MSRB3: variants seen among roughly 807,000 people sequenced by gnomAD.
MSRB3 encodes methionine sulfoxide reductase B3.
Under a neutral mutation model 21.0 loss-of-function variants are expected in MSRB3, and 13 were observed. The observed-to-expected ratio is 0.62, with a 90% CI of 0.40 to 0.98. The LOEUF (loss-of-function observed/expected upper bound fraction) is 0.98, where lower values mean the gene tolerates loss of function less well. Among genes scored for constraint, MSRB3 ranks in the 50% least tolerant of loss-of-function variants. The pLI is 0.00. For missense variants in MSRB3, 199 were observed against 230.3 expected (o/e 0.86, Z 0.88); for synonymous variants, 87 against 88.6 (o/e 0.98, Z 0.10).
chr12:65,365,075 AT>A (rs34234685), intron 4 of MSRB3, among the ~76,000 whole-genome samples: 39 of 150,034 alleles, frequency 2.6e-4, no homozygotes, highest in African/African-American at 9.1e-4. Flanking sequence ...TTCTGACATG[AT>A]TTTTTTTTTT....
At chr12:65,307,794 T>C (rs1873744926) in intron 1 of MSRB3, among the ~76,000 whole-genome samples, 1 of 152,206 alleles carries the variant, frequency 6.6e-6, no homozygotes, top group African/African-American at 2.4e-5. Flanking sequence ...TTCACAGGAT[T>C]GACCTAGAAA....
At chr12:65,348,216 G>T (rs1433739742) in intron 4 of MSRB3, among the ~76,000 whole-genome samples, 1 of 152,066 alleles carries the variant, frequency 6.6e-6, no homozygotes, top group African/African-American at 2.4e-5. Context: ...CTCTGGTCCT[G>T]GACTTTTTTT....
chr12:65,387,594 A>G (rs1479161782), intron 5 of MSRB3, among the ~76,000 whole-genome samples: 1 of 152,164 alleles, frequency 6.6e-6, no homozygotes, highest in Non-Finnish European at 1.5e-5. Context: ...AGTCAGACAG[A>G]CCATCATTTG....
At chr12:65,453,679 C>G in intron 5 of MSRB3, 49 bp from the exon 6 acceptor site, 1 of 1,323,632 alleles carries the variant, frequency 7.6e-7, no homozygotes, top group Non-Finnish European at 1.1e-6. Context: ...TAACCCAAGG[C>G]TGTGTATCTC....
chr12:65,325,750 A>G (rs751589727), intron 2 of MSRB3, among the ~76,000 whole-genome samples: 3 of 152,192 alleles, frequency 2.0e-5, no homozygotes, highest in Non-Finnish European at 4.4e-5. Flanking sequence ...ACATGGCAAG[A>G]ACTCTCTACA....
intron 4 of MSRB3, among the ~76,000 whole-genome samples, chr12:65,353,075 C>G (rs1274400346): frequency 6.6e-6 from 1 of 152,140 alleles, no homozygotes; most frequent in Admixed American, 6.6e-5. Context: ...TTTGATCGCA[C>G]TGTGTTCTGA....
intron 5 of MSRB3, among the ~76,000 whole-genome samples, chr12:65,436,898 A>G (rs1592637119): frequency 6.6e-6 from 1 of 152,086 alleles, no homozygotes; most frequent in East Asian, 1.9e-4. Flanking sequence ...AACGGTGCAC[A>G]GTAAAGTGGC....
At chr12:65,457,882 G>C (rs959273111) in intron 6 of MSRB3, among the ~76,000 whole-genome samples, 3 of 151,750 alleles carry the variant, frequency 2.0e-5, no homozygotes, top group Admixed American at 2.0e-4. Context: ...TTATTATTTT[G>C]CTGGTGAGAT....
At chr12:65,328,109 A>T (rs966050203) in intron 3 of MSRB3, among the ~76,000 whole-genome samples, 1 of 152,196 alleles carries the variant, frequency 6.6e-6, no homozygotes, top group Non-Finnish European at 1.5e-5. Flanking sequence ...AAGCTGCAAT[A>T]TTCCTTTTCA....
chr12:65,407,838 A>G (rs1046056183), intron 5 of MSRB3, among the ~76,000 whole-genome samples: 1 of 152,044 alleles, frequency 6.6e-6, no homozygotes, highest in Non-Finnish European at 1.5e-5. Flanking sequence ...TCTGTTGATG[A>G]GCGCATAAAA....
intron 2 of MSRB3, among the ~76,000 whole-genome samples, chr12:65,321,014 C>T (rs1874627961): frequency 6.6e-6 from 1 of 152,194 alleles, no homozygotes; most frequent in Non-Finnish European, 1.5e-5. Context: ...TCTCCTCCTT[C>T]AGGGCTTTGC....
chr12:65,424,333 A>T (rs1881469555), intron 5 of MSRB3, among the ~76,000 whole-genome samples: 2 of 147,360 alleles, frequency 1.4e-5, no homozygotes, highest in Admixed American at 1.3e-4. Context: ...GATTTTTATT[A>T]TTTTCTTCTT....
chr12:65,362,717 T>G (rs1335629420), intron 4 of MSRB3, among the ~76,000 whole-genome samples: 1 of 152,080 alleles, frequency 6.6e-6, no homozygotes, highest in Admixed American at 6.6e-5. Flanking sequence ...TAGGCTAAGA[T>G]GTGGAGAAAG....
chr12:65,375,774 T>C (rs955476429), intron 5 of MSRB3, among the ~76,000 whole-genome samples: 1 of 152,272 alleles, frequency 6.6e-6, no homozygotes, highest in African/African-American at 2.4e-5. Flanking sequence ...TTTGATTTTC[T>C]TTTGGACATG....
chr12:65,373,355 C>A (rs1306953592), intron 5 of MSRB3, among the ~76,000 whole-genome samples: 1 of 152,050 alleles, frequency 6.6e-6, no homozygotes, highest in African/African-American at 2.4e-5. Context: ...TATAAGTTAA[C>A]CTTAACTTAT....
chr12:65,373,441 C>A (rs1435031186), intron 5 of MSRB3, among the ~76,000 whole-genome samples: 3 of 152,048 alleles, frequency 2.0e-5, no homozygotes, highest in Non-Finnish European at 4.4e-5. Context: ...CCTTATCAGG[C>A]AATGTTTGGG....
chr12:65,429,021 C>A (rs970741740), intron 5 of MSRB3, among the ~76,000 whole-genome samples: 12 of 152,056 alleles, frequency 7.9e-5, no homozygotes, highest in African/African-American at 2.9e-4. Flanking sequence ...GTATGGTTGC[C>A]TCTTGTTTTA....
At chr12:65,338,224 A>G (rs1875912162) in intron 4 of MSRB3, among the ~76,000 whole-genome samples, 2 of 152,080 alleles carry the variant, frequency 1.3e-5, no homozygotes, top group African/African-American at 4.8e-5. Flanking sequence ...CTGTGGTGCA[A>G]ATGCTTCTGC....
chr12:65,402,779 G>C (rs1013956371), intron 5 of MSRB3, among the ~76,000 whole-genome samples: 3 of 152,156 alleles, frequency 2.0e-5, no homozygotes, highest in Non-Finnish European at 4.4e-5. Context: ...GTGACCTTTG[G>C]ATGGGGTTTT....
Sources: allele counts gnomAD v4.1 joint callset (sites outside exome capture counted in the v4.1 genomes callset), GRCh38; gene constraint gnomAD v4.1.1; transcripts MANE v1.5; gene names NCBI Gene and HGNC (gene_info 2026-07-23, HGNC 2026-07-21).